The following CEP112 variants were observed in gnomAD, a reference collection of about 807,000 sequenced individuals.
CEP112 encodes centrosomal protein 112, also known as centrosomal protein of 112 kDa.
Under a neutral mutation model 153.0 loss-of-function variants are expected in CEP112, and 127 were observed. That is an observed-to-expected ratio of 0.83 (90% CI 0.72 to 0.96). The LOEUF is 0.96. Ranked by LOEUF, CEP112 falls within the 40% of genes least tolerant of loss-of-function variation. The pLI, the probability that CEP112 is intolerant of heterozygous loss-of-function variation, is 0.00. For missense variants in CEP112, 1,089 were observed against 1,101.2 expected (o/e 0.99, Z 0.16); for synonymous variants, 358 against 374.4 (o/e 0.96, Z 0.51).
chr17:65,884,589 G>A (rs1022234110), intron 20 of CEP112, among the ~76,000 whole-genome samples: 9 of 152,118 alleles, frequency 5.9e-5, no homozygotes, highest in Admixed American at 5.9e-4. Flanking sequence ...TAGAATATGA[G>A]GTAGGCTATA....
chr17:66,082,814 A>T (rs535919258), intron 8 of CEP112, among the ~76,000 whole-genome samples: 8 of 151,614 alleles, frequency 5.3e-5, no homozygotes, highest in Non-Finnish European at 1.2e-4. Context: ...AAAACAAACC[A>T]CTATAATTCT....
intron 8 of CEP112, among the ~76,000 whole-genome samples, chr17:66,094,307 A>G (rs1328666092): frequency 2.6e-5 from 4 of 152,146 alleles, no homozygotes; most frequent in African/African-American, 7.2e-5. Flanking sequence ...TGATCCGCCC[A>G]CCTCAGCCTC....
At chr17:65,942,355 A>G (rs972952) in intron 18 of CEP112, among the ~76,000 whole-genome samples, 72,788 of 151,990 alleles carry the variant, frequency 0.48, 18,434 homozygotes, top group East Asian at 0.89. Flanking sequence ...AGTACCTAGT[A>G]CCAAAAAGGT....
At chr17:65,937,362 A>G (rs1179845745) in intron 18 of CEP112, among the ~76,000 whole-genome samples, 4 of 111,282 alleles carry the variant, frequency 3.6e-5, no homozygotes, top group African/African-American at 6.9e-5. Context: ...CATCCCATCT[A>G]GGAAGTGAGG....
intron 17 of CEP112, among the ~76,000 whole-genome samples, chr17:65,989,071 A>C (rs983616011): frequency 6.6e-6 from 1 of 151,274 alleles, no homozygotes; most frequent in African/African-American, 2.4e-5. Context: ...CTAAAAATAC[A>C]AAAAAATTAA....
intron 10 of CEP112, among the ~76,000 whole-genome samples, chr17:66,064,608 A>T (rs1024228763): frequency 6.6e-6 from 1 of 152,176 alleles, no homozygotes; most frequent in Non-Finnish European, 1.5e-5. Flanking sequence ...TCTCAACTAC[A>T]CAACAAATAA....
At chr17:65,995,936 C>T (rs565441243) in intron 17 of CEP112, among the ~76,000 whole-genome samples, 28 of 152,258 alleles carry the variant, frequency 1.8e-4, no homozygotes, top group African/African-American at 4.8e-4. Context: ...AAGTGCCTTT[C>T]GCTTTCCACC....
chr17:65,639,076 A>G (rs1476965433), intron 25 of CEP112, among the ~76,000 whole-genome samples: 1 of 152,124 alleles, frequency 6.6e-6, no homozygotes, highest in Non-Finnish European at 1.5e-5. Context: ...ACTTATTTTT[A>G]TATGCAGGCG....
At chr17:65,655,835 T>C (rs1041111931) in intron 24 of CEP112, among the ~76,000 whole-genome samples, 1 of 152,216 alleles carries the variant, frequency 6.6e-6, no homozygotes, top group African/African-American at 2.4e-5. Context: ...GTATTTTGCA[T>C]ATAAGCAATA....
chr17:66,132,307 T>A (rs1331433935), intron 5 of CEP112, among the ~76,000 whole-genome samples: 1 of 151,228 alleles, frequency 6.6e-6, no homozygotes, highest in African/African-American at 2.4e-5. Flanking sequence ...TTTACCTTCA[T>A]TAGAAAAGCA....
intron 24 of CEP112, among the ~76,000 whole-genome samples, chr17:65,650,743 A>AAAT (rs1567810718): frequency 6.7e-6 from 1 of 149,280 alleles, no homozygotes; most frequent in African/African-American, 2.5e-5. Context: ...AAAAAAAAAA[A>AAAT]AAAAAAAAAA....
At chr17:66,021,933 T>C (rs1250506451) in intron 16 of CEP112, among the ~76,000 whole-genome samples, 1 of 152,224 alleles carries the variant, frequency 6.6e-6, no homozygotes, top group Non-Finnish European at 1.5e-5. Context: ...CGTTTTTACC[T>C]GCAAGTGCCA....
intron 12 of CEP112, among the ~76,000 whole-genome samples, chr17:66,042,743 C>T (rs1201380743): frequency 6.6e-6 from 1 of 151,940 alleles, no homozygotes; most frequent in East Asian, 1.9e-4. Flanking sequence ...AAAAGTGTAC[C>T]AAGATAACCT....
chr17:66,170,602 C>A (rs230564), intron 4 of CEP112, among the ~76,000 whole-genome samples: 7 of 151,580 alleles, frequency 4.6e-5, no homozygotes, highest in South Asian at 2.1e-4. Flanking sequence ...ATGTCTCTAC[C>A]AAACACAAAA....
chr17:65,880,898 T>C (rs2059039358), intron 20 of CEP112, among the ~76,000 whole-genome samples: 1 of 152,126 alleles, frequency 6.6e-6, no homozygotes, highest in South Asian at 2.1e-4. Context: ...CAATTTCAAA[T>C]GAGAAAGCCT....
intron 6 of CEP112, among the ~76,000 whole-genome samples, chr17:66,126,488 C>G (rs1696634522): frequency 6.6e-6 from 1 of 152,070 alleles, no homozygotes; most frequent in South Asian, 2.1e-4. Flanking sequence ...CGAATACCCA[C>G]AGCACAAACA....
intron 4 of CEP112, among the ~76,000 whole-genome samples, chr17:66,165,684 T>C (rs2071924639): frequency 6.6e-6 from 1 of 152,326 alleles, no homozygotes; most frequent in East Asian, 1.9e-4. Flanking sequence ...TTTGCTCACA[T>C]AGATTAACTT....
intron 16 of CEP112, among the ~76,000 whole-genome samples, chr17:66,016,325 A>T (rs1407754422): frequency 6.6e-6 from 1 of 152,112 alleles, no homozygotes; most frequent in Non-Finnish European, 1.5e-5. Flanking sequence ...CACCACTCAG[A>T]CTTGGTGCTT....
At chr17:65,965,368 T>G (rs1353638062) in intron 17 of CEP112, among the ~76,000 whole-genome samples, 2 of 152,180 alleles carry the variant, frequency 1.3e-5, no homozygotes, top group African/African-American at 4.8e-5. Flanking sequence ...ATGTAAAATC[T>G]GGTTTCCAGT....
Sources: gnomAD v4.1 joint callset for allele counts (sites outside exome capture counted in the v4.1 genomes callset) on GRCh38, gnomAD v4.1.1 for gene constraint, MANE v1.5 for transcripts, NCBI Gene and HGNC (gene_info 2026-07-23, HGNC 2026-07-21) for gene names.